RBM5: variants seen among roughly 807,000 people sequenced by gnomAD.
The protein encoded by RBM5 is RNA-binding protein 5.
RBM5 carries 15 observed loss-of-function variants against 124.6 expected under a neutral mutation model. That is an observed-to-expected ratio of 0.12 (90% CI 0.08 to 0.19). RBM5 has a LOEUF of 0.19. Among genes scored for constraint, RBM5 ranks in the 10% least tolerant of loss-of-function variants. RBM5 has a pLI of 1.00. For synonymous variants in RBM5, 337 were observed against 361.2 expected (o/e 0.93, Z 0.76); for missense variants, 580 against 1,026.5 (o/e 0.57, Z 5.94).
chr3:50,094,570 T>A (rs2090772137), intron 4 of RBM5, among the ~76,000 whole-genome samples: 1 of 152,210 alleles, frequency 6.6e-6, no homozygotes, highest in East Asian at 1.9e-4. Context: ...CATAGCTCAC[T>A]GCAGCCTCAA....
intron 12 of RBM5, 98 bp downstream of exon 12, chr3:50,107,667 C>CTTTTATTT: frequency 7.4e-6 from 1 of 135,132 alleles, no homozygotes; most frequent in Non-Finnish European, 1.3e-5. Flanking sequence ...GAGCTCTTTT[C>CTTTTATTT]TTTTCTTTTT....
At chr3:50,099,785 C>A in intron 4 of RBM5, 197 bp from the exon 5 acceptor site, 1 of 431,520 alleles carries the variant, frequency 2.3e-6, no homozygotes, top group Non-Finnish European at 4.2e-6. Flanking sequence ...TTGCTTGAAC[C>A]CAGGAGGTGG....
rs569334011 is a variant in RBM5, at chr3:50,113,478, G to A, written c.1551G>A (p.Ser517=). ...PAAESSSHQQ[S]GLPPAKEGKE... is the part of the protein sequence containing the mutation. ...CAGAGTCTAGCTCCCACCAGCAGTC[G>A]GGCCTGCCTCCTGCAAAAGAGGGGA... Residue 517 remains serine, a synonymous_variant, in exon 18 of 25, where the codon TCG becomes TCA. Transcript: ENST00000347869. 8.1e-6 allele frequency: 13 copies of A among 1,614,068 alleles called. 1 individual carries two copies. In the South Asian group the frequency reaches 9.9e-5, roughly 12 times the overall value.
chr3:50,110,669 G>GT lies in RBM5; in HGVS notation c.1364-5dup. On this transcript the variant is annotated splice_polypyrimidine_tract_variant and intron_variant, in intron 16 of 24. Transcript: ENST00000347869. Reference sequence around the variant, plus strand: ...CTGGAATGACTGTATGCTGGATTTTGTTTTTGCAGCAGTACCTGACACGTC... The same window carrying GT: ...CTGGAATGACTGTATGCTGGATTTTGTTTTTTGCAGCAGTACCTGACACGTC... 1 of 1,605,778 alleles carries GT rather than the reference G, an allele frequency of 6.2e-7. No individual in the cohort carries two copies. The highest frequency in any genetic ancestry group is 8.5e-7 in the Non-Finnish European group (1 of 1,174,422).
At chr3:50,116,976 T>G in intron 22 of RBM5, 98 bp from the exon 23 acceptor site, 1 of 1,149,238 alleles carries the variant, frequency 8.7e-7, no homozygotes, top group Non-Finnish European at 1.3e-6. Context: ...ATTCTTCAGA[T>G]TTAAAAATAC....
Position 50,105,530 on chromosome 3 carries a change from T to A in RBM5, c.695-19T>A. 6.2e-7 allele frequency: 1 copy of A among 1,608,682 alleles called. No homozygotes were observed. The highest frequency in any genetic ancestry group is 8.5e-7 in the Non-Finnish European group (1 of 1,176,058). On this transcript the variant is annotated intron_variant, in intron 9 of 24. Transcript: ENST00000347869. ...TGGTGGGAATGCATGTGTATGTCAT[T>A]TGTCTCATTTACCCCTAGCGATCAT...
At chr3:50,098,453 AT>A (rs978346668) in intron 4 of RBM5, among the ~76,000 whole-genome samples, 2 of 148,286 alleles carry the variant, frequency 1.3e-5, no homozygotes, top group African/African-American at 2.5e-5. Context: ...TTATTTTATT[AT>A]TTTTTTTTGA....
intron 20 of RBM5, 38 bp downstream of exon 20, chr3:50,114,289 G>A: frequency 6.4e-7 from 1 of 1,567,554 alleles, no homozygotes. Flanking sequence ...GACCCTATCT[G>A]TGGTTTGTGT....
chr3:50,101,602 A>G (rs570360020), intron 6 of RBM5: 3 of 152,226 alleles, frequency 2.0e-5, no homozygotes, highest in Non-Finnish European at 4.4e-5. Context: ...CATAGATACC[A>G]TCCTAGTAAA....
intron 15 of RBM5, 127 bp from the exon 16 acceptor site, chr3:50,110,252 G>A (rs573715068): frequency 1.3e-6 from 1 of 761,032 alleles, no homozygotes; most frequent in Non-Finnish European, 2.1e-6. Flanking sequence ...TTTTGCTGAG[G>A]GATTGCCTTA....
chr3:50,107,169 C>A, intron 11 of RBM5: 1 of 643,704 alleles, frequency 1.6e-6, no homozygotes, highest in Non-Finnish European at 2.9e-6. Context: ...ATAACCCATT[C>A]CTTCCAGAAC....
chr3:50,104,673 AG>A, intron 8 of RBM5: 1 of 265,188 alleles, frequency 3.8e-6, no homozygotes, highest in Non-Finnish European at 7.2e-6. Context: ...TCTGACAAAT[AG>A]GGTTGTTAAC....
intron 4 of RBM5, among the ~76,000 whole-genome samples, chr3:50,098,633 G>A (rs535345523): frequency 2.6e-5 from 4 of 152,074 alleles, no homozygotes; most frequent in South Asian, 2.1e-4. Flanking sequence ...TAGTAGAGAC[G>A]GGATTTCACT....
chr3:50,108,048 G>A, intron 12 of RBM5, 22 bp from the exon 13 acceptor site: 1 of 1,574,442 alleles, frequency 6.4e-7, no homozygotes, highest in South Asian at 1.1e-5. Context: ...GTTTGTCTTT[G>A]TCTCATTTTG....
intron 20 of RBM5, chr3:50,114,829 C>T (rs2091213743): frequency 6.5e-6 from 1 of 152,710 alleles, no homozygotes; most frequent in Non-Finnish European, 1.4e-5. Context: ...CATTGCACTC[C>T]AGCCTGGGCA....
chr3:50,090,477 G>C, intron 2 of RBM5, 26 bp downstream of exon 2: 1 of 1,612,934 alleles, frequency 6.2e-7, no homozygotes, highest in Non-Finnish European at 8.5e-7. Flanking sequence ...ACGTGGCTTT[G>C]ATCTCAACAT....
chr3:50,112,858 T>C (rs2091173352), intron 17 of RBM5: 1 of 152,246 alleles, frequency 6.6e-6, no homozygotes, highest in Admixed American at 6.5e-5. Flanking sequence ...AAATTTTTAT[T>C]ATCATTTTTT....
At chr3:50,111,655 T>C (rs1477791541) in intron 17 of RBM5, among the ~76,000 whole-genome samples, 1 of 152,168 alleles carries the variant, frequency 6.6e-6, no homozygotes, top group East Asian at 1.9e-4. Flanking sequence ...ATTACAGGCA[T>C]GAGCCACTGT....
At chr3:50,103,897 G>A (rs1048704784) in intron 7 of RBM5, among the ~76,000 whole-genome samples, 1 of 152,222 alleles carries the variant, frequency 6.6e-6, no homozygotes, top group African/African-American at 2.4e-5. Flanking sequence ...GGACTAGACA[G>A]TGGTTAGTTT....
Sources: gnomAD v4.1 joint callset for allele counts (sites outside exome capture counted in the v4.1 genomes callset) on GRCh38, gnomAD v4.1.1 for gene constraint, MANE v1.5 for transcripts, NCBI Gene and HGNC (gene_info 2026-07-23, HGNC 2026-07-21) for gene names.